The following CCDC92 variants were observed in gnomAD, a reference collection of about 807,000 sequenced individuals.
The protein encoded by CCDC92 is coiled-coil domain-containing protein 92.
In CCDC92, 12 loss-of-function variants were observed where a neutral mutation model predicts 24.9. The observed-to-expected ratio is 0.48, with a 90% CI of 0.31 to 0.78. The LOEUF (loss-of-function observed/expected upper bound fraction) is 0.78. CCDC92 is among the 30% of genes least tolerant of loss of function. The pLI is 0.05. For missense variants in CCDC92, 399 were observed against 439.4 expected (o/e 0.91, Z 0.82); for synonymous variants, 193 against 196.3 (o/e 0.98, Z 0.14).
intron 2 of CCDC92, 31 bp downstream of exon 2, chr12:123,944,241 T>C (rs779700523): frequency 7.1e-6 from 10 of 1,412,484 alleles, no homozygotes; most frequent in African/African-American, 2.8e-5. Flanking sequence ...GCTTCCAGCA[T>C]CTGATGCTCA....
chr12:123,944,217 C>T, intron 2 of CCDC92, 55 bp downstream of exon 2: 1 of 1,154,564 alleles, frequency 8.7e-7, no homozygotes, highest in Non-Finnish European at 1.3e-6. Context: ...AATGCTTGGC[C>T]CCTCCCAGCC....
At chr12:123,951,296 G>A (rs547958742) in intron 1 of CCDC92, among the ~76,000 whole-genome samples, 12 of 152,244 alleles carry the variant, frequency 7.9e-5, no homozygotes, top group African/African-American at 2.2e-4. Context: ...TATTCCAGAA[G>A]CAATATTCCA....
At chr12:123,947,679 T>C (rs978216374) in intron 1 of CCDC92, among the ~76,000 whole-genome samples, 11 of 152,114 alleles carry the variant, frequency 7.2e-5, no homozygotes, top group Admixed American at 6.5e-4. Flanking sequence ...AGCTCAGGGA[T>C]TGTAAACACA....
chr12:123,969,461 G>GTTT (rs60485501), intron 1 of CCDC92, among the ~76,000 whole-genome samples: 56 of 93,048 alleles, frequency 6.0e-4, no homozygotes, highest in African/African-American at 1.5e-3. Flanking sequence ...CTCTTATTCA[G>GTTT]TTTTTTTTTT....
At chr12:123,947,270 G>C (rs545784118) in intron 1 of CCDC92, among the ~76,000 whole-genome samples, 1 of 152,184 alleles carries the variant, frequency 6.6e-6, no homozygotes, top group Non-Finnish European at 1.5e-5. Context: ...TGTGCTGCCC[G>C]AGCCTCCCCG....
In CCDC92 at chr12:123,948,160, G is replaced by A. The variant is rs145548955; in HGVS notation, c.-59-3796C>T. Among the ~76,000 whole-genome samples, 1,404 of 152,242 alleles carry A rather than the reference G, an allele frequency of 9.2e-3. 13 individuals are homozygous for A. Among genetic ancestry groups the A allele is most frequent in the Middle Eastern group, 0.058 (17 of 294 alleles). Reference sequence around the variant, plus strand: ...AAAACGGGATATACTAAAACATCCCGAAATGAGATGACCACCTCACCCGCC... The same window carrying A: ...AAAACGGGATATACTAAAACATCCCAAAATGAGATGACCACCTCACCCGCC... On this transcript the variant is annotated intron_variant, in intron 1 of 4. Transcript: ENST00000238156.
chr12:123,950,482 T>G (rs2138029951), intron 1 of CCDC92, among the ~76,000 whole-genome samples: 1 of 152,216 alleles, frequency 6.6e-6, no homozygotes, highest in Non-Finnish European at 1.5e-5. Flanking sequence ...CCAGCAAAGG[T>G]TCCTAGGAAG....
rs1025106422 is a variant in CCDC92 at position 123,937,004 on chromosome 12, T to C, written c.*54A>G. On this transcript the variant is annotated 3_prime_UTR_variant, in exon 5 of 5. Coordinates refer to ENST00000238156, the MANE Select transcript of CCDC92 (RefSeq NM_025140.3). This position sits in a 1 kb window ranked among gnomAD's most constrained non-coding sequence, Gnocchi z 8.4. ...TTAAACAGAAAAGGTGTGGCTGAGATTTCCCAGTGGTGCTCACAGTGCATG... is the reference window on the plus strand; with the variant it reads ...TTAAACAGAAAAGGTGTGGCTGAGACTTCCCAGTGGTGCTCACAGTGCATG... 6.3e-7 allele frequency: 1 copy of C among 1,594,388 alleles called. No homozygotes were observed. The highest frequency in any genetic ancestry group is 8.6e-7 in the Non-Finnish European group (1 of 1,167,776).
intron 1 of CCDC92, among the ~76,000 whole-genome samples, chr12:123,955,662 G>T (rs183058550): frequency 2.0e-5 from 3 of 151,356 alleles, no homozygotes; most frequent in Non-Finnish European, 3.0e-5. Flanking sequence ...TTTTTTTGGT[G>T]GGGGGGAGAC....
At chr12:123,971,532 T>G (rs1358828095) in intron 1 of CCDC92, 1 of 152,244 alleles carries the variant, frequency 6.6e-6, no homozygotes, top group African/African-American at 2.4e-5. Context: ...TACAGGTTTC[T>G]GGAACTGCGT....
At chr12:123,952,273 A>G (rs918056637) in intron 1 of CCDC92, among the ~76,000 whole-genome samples, 2 of 152,232 alleles carry the variant, frequency 1.3e-5, no homozygotes, top group Admixed American at 6.5e-5. Context: ...TGAGCTAGCA[A>G]AGAAATTCCA....
intron 1 of CCDC92, among the ~76,000 whole-genome samples, chr12:123,958,682 T>C (rs1956205971): frequency 6.6e-6 from 1 of 152,244 alleles, no homozygotes; most frequent in Non-Finnish European, 1.5e-5. Context: ...CGTCACTGAC[T>C]GTGGCAGGTC....
At chr12:123,962,262 G>A (rs1028545185) in intron 1 of CCDC92, among the ~76,000 whole-genome samples, 6 of 152,162 alleles carry the variant, frequency 3.9e-5, no homozygotes, top group African/African-American at 1.4e-4. Flanking sequence ...AGAGCTACAA[G>A]CTTACTCTGC....
intron 4 of CCDC92, among the ~76,000 whole-genome samples, chr12:123,942,519 C>A (rs945858910): frequency 6.6e-5 from 10 of 152,212 alleles, no homozygotes; most frequent in African/African-American, 2.4e-4. Context: ...ATATATGTGT[C>A]ATTCAAAAGA....
At chr12:123,941,965 G>A (rs1955698575) in intron 4 of CCDC92, among the ~76,000 whole-genome samples, 1 of 152,168 alleles carries the variant, frequency 6.6e-6, no homozygotes, top group Non-Finnish European at 1.5e-5. Flanking sequence ...TAAGACTGCT[G>A]GCGAGTTGCA....
In CCDC92 at chr12:123,936,870, TA is replaced by T. The variant is rs1269180653; in HGVS notation, c.*187del. ...GCGTTTGGCCACAGCAATTAGGAAA[TA>T]CATATTCTGCGGCAGGGACACGATC... is the stretch of plus-strand genomic sequence containing the variant. On this transcript the variant is annotated 3_prime_UTR_variant, in exon 5 of 5. Coordinates refer to ENST00000238156, the MANE Select transcript of CCDC92 (RefSeq NM_025140.3). 18 of 667,038 alleles carry T rather than the reference TA, an allele frequency of 2.7e-5. No individual in the cohort carries two copies. In the Admixed American group the frequency reaches 4.7e-4, roughly 17 times the overall value. 41.3% of individuals were successfully genotyped at this position (667,038 alleles called of 1,614,324 possible). A position where few individuals can be genotyped will look rare whatever the true frequency, so the allele number is the denominator to read the frequency against.
chr12:123,941,717 C>A (rs1166780126), intron 4 of CCDC92, among the ~76,000 whole-genome samples: 2 of 152,234 alleles, frequency 1.3e-5, no homozygotes, highest in African/African-American at 4.8e-5. Flanking sequence ...GACCATAGTG[C>A]ATGCTCTTCC....
intron 2 of CCDC92, chr12:123,943,859 G>A: frequency 2.2e-6 from 1 of 444,576 alleles, no homozygotes; most frequent in Admixed American, 3.7e-5. Flanking sequence ...AGTGAGGTAT[G>A]GAGCAGGGAT....
chr12:123,939,798 A>G (rs1480223641), intron 4 of CCDC92, among the ~76,000 whole-genome samples: 1 of 152,194 alleles, frequency 6.6e-6, no homozygotes, highest in South Asian at 2.1e-4. Context: ...GACTCTGTAG[A>G]CACTGTAAGA....
Sources: allele counts gnomAD v4.1 joint callset (sites outside exome capture counted in the v4.1 genomes callset), GRCh38; gene constraint gnomAD v4.1.1; non-coding constraint Gnocchi (gnomAD v3.1); transcripts MANE v1.5; gene names NCBI Gene and HGNC (gene_info 2026-07-23, HGNC 2026-07-21).